The following FBXL17 variants were observed in gnomAD, a reference collection of about 807,000 sequenced individuals.
FBXL17 encodes F-box and leucine rich repeat protein 17, also known as F-box/LRR-repeat protein 17.
FBXL17 carries 22 observed loss-of-function variants against 66.2 expected under a neutral mutation model. The ratio of observed to expected loss-of-function variants is 0.33; its 90% CI spans 0.24 to 0.47. The LOEUF is 0.47. Ranked by LOEUF, FBXL17 falls within the 20% of genes least tolerant of loss-of-function variation. The probability of loss-of-function intolerance (pLI) is 1.00; values close to 1 mark genes in which losing one functional copy is unlikely to be tolerated. For missense variants in FBXL17, 878 were observed against 948.2 expected, an observed-to-expected ratio of 0.93 and a Z score of 0.97; for synonymous variants, 474 against 400.5, an observed-to-expected ratio of 1.18 and a Z score of -2.19.
At chr5:108,161,433 C>G (rs138668347) in intron 6 of FBXL17, among the ~76,000 whole-genome samples, 1,723 of 152,260 alleles carry the variant, frequency 0.011, 47 homozygotes, top group African/African-American at 0.039. Context: ...TTGCAGCGAG[C>G]TGAGATCGTG....
chr5:108,077,098 A>G (rs1748582372), intron 6 of FBXL17, among the ~76,000 whole-genome samples: 1 of 152,218 alleles, frequency 6.6e-6, no homozygotes, highest in African/African-American at 2.4e-5. Flanking sequence ...CACCCAATTC[A>G]TACAGGTATT....
In FBXL17 at chr5:108,094,408, T is replaced by A. The variant is rs187635288; in HGVS notation, c.1746-73407A>T. Reference sequence around the variant, plus strand: ...GGTGAACAGGTTTCCTTCATACAAATGCCAGCAGGACAAGTGTTGAACACC... The same window carrying A: ...GGTGAACAGGTTTCCTTCATACAAAAGCCAGCAGGACAAGTGTTGAACACC... On this transcript the variant is annotated intron_variant, in intron 6 of 8. Coordinates refer to ENST00000542267, the MANE Select transcript of FBXL17 (RefSeq NM_001163315.3). 6.3e-4 allele frequency among the ~76,000 whole-genome samples: 96 copies of A among 152,266 alleles called. 1 individual carries two copies. The East Asian group carries it at 0.011, about 18-fold the overall frequency.
chr5:108,086,560 C>T (rs981537782), intron 6 of FBXL17, among the ~76,000 whole-genome samples: 1 of 151,854 alleles, frequency 6.6e-6, no homozygotes, highest in Non-Finnish European at 1.5e-5. Flanking sequence ...CTGTGACTGT[C>T]TTTGTTTTTG....
rs541635736 is a variant in FBXL17, at chr5:107,870,549, T to C, written c.1966-8689A>G. 1.4e-4 allele frequency among the ~76,000 whole-genome samples: 22 copies of C among 151,810 alleles called. No individual in the cohort carries two copies. In the East Asian group the frequency reaches 4.3e-3, roughly 29 times the overall value. On this transcript the variant is annotated intron_variant, in intron 8 of 8. Transcript: ENST00000542267. Reference sequence around the variant, plus strand: ...TAGTGCTTCCTCAGTGGAAAACCCATGATATGGAAGGAGAGGGTACTCACG... The same window carrying C: ...TAGTGCTTCCTCAGTGGAAAACCCACGATATGGAAGGAGAGGGTACTCACG...
At chr5:107,893,312 C>T (rs1223686751) in intron 7 of FBXL17, among the ~76,000 whole-genome samples, 1 of 152,142 alleles carries the variant, frequency 6.6e-6, no homozygotes, top group Non-Finnish European at 1.5e-5. Context: ...AAGCACACTG[C>T]TCACATGTGC....
chr5:108,078,999 G>A (rs898794459), intron 6 of FBXL17, among the ~76,000 whole-genome samples: 2 of 151,950 alleles, frequency 1.3e-5, no homozygotes, highest in African/African-American at 4.8e-5. Context: ...TAATCTTCCA[G>A]CCTTGAACGA....
chr5:107,906,167 A>G (rs574128136), intron 7 of FBXL17, among the ~76,000 whole-genome samples: 1 of 152,190 alleles, frequency 6.6e-6, no homozygotes, highest in South Asian at 2.1e-4. Flanking sequence ...CCAAGTAGTC[A>G]GAATAATTTC....
chr5:108,338,907 G>T (rs540975116), intron 4 of FBXL17, among the ~76,000 whole-genome samples: 1 of 152,110 alleles, frequency 6.6e-6, no homozygotes, highest in Non-Finnish European at 1.5e-5. Flanking sequence ...AGCACTAATA[G>T]GAACAGTACT....
chr5:108,337,672 AAAG>A (rs1390899956), intron 4 of FBXL17, among the ~76,000 whole-genome samples: 2 of 151,088 alleles, frequency 1.3e-5, no homozygotes, highest in Non-Finnish European at 2.9e-5. Flanking sequence ...ATTCTGGAAG[AAAG>A]AAGAAGAGTG....
At chr5:108,197,860 T>C (rs1054167396) in intron 5 of FBXL17, among the ~76,000 whole-genome samples, 1 of 152,172 alleles carries the variant, frequency 6.6e-6, no homozygotes, top group African/African-American at 2.4e-5. Flanking sequence ...CACCTTCACA[T>C]GGAAAATCTC....
At chr5:108,085,677 G>C (rs1748942368) in intron 6 of FBXL17, among the ~76,000 whole-genome samples, 1 of 152,162 alleles carries the variant, frequency 6.6e-6, no homozygotes, top group African/African-American at 2.4e-5. Flanking sequence ...GCTCATGCCT[G>C]TAATCCAAGC....
chr5:108,240,098 A>C (rs1755787189), intron 4 of FBXL17, among the ~76,000 whole-genome samples: 2 of 152,100 alleles, frequency 1.3e-5, no homozygotes, highest in Non-Finnish European at 2.9e-5. Context: ...AGTGAGACTT[A>C]AGTGCTGGCT....
chr5:108,256,812 A>G (rs1053090036), intron 4 of FBXL17, among the ~76,000 whole-genome samples: 3 of 151,880 alleles, frequency 2.0e-5, no homozygotes, highest in Non-Finnish European at 4.4e-5. Context: ...CCTTCCCTGC[A>G]CAAGTTTTTG....
intron 6 of FBXL17, among the ~76,000 whole-genome samples, chr5:108,034,530 CT>C (rs756263947): frequency 5.9e-5 from 9 of 151,488 alleles, no homozygotes; most frequent in African/African-American, 2.2e-4. Context: ...AAAGGAATTT[CT>C]TTTTTTTTAC....
chr5:108,057,650 T>C (rs1033712021), intron 6 of FBXL17, among the ~76,000 whole-genome samples: 1 of 152,194 alleles, frequency 6.6e-6, no homozygotes. Context: ...TGTATACAAA[T>C]GTTTAAAAGT....
chr5:108,311,001 T>C (rs1759090298), intron 4 of FBXL17, among the ~76,000 whole-genome samples: 1 of 152,136 alleles, frequency 6.6e-6, no homozygotes, highest in Admixed American at 6.6e-5. Flanking sequence ...TTCTTGCTTC[T>C]AATAGACAAC....
At chr5:108,160,250 T>C (rs1188160930) in intron 6 of FBXL17, among the ~76,000 whole-genome samples, 1 of 152,216 alleles carries the variant, frequency 6.6e-6, no homozygotes, top group Non-Finnish European at 1.5e-5. Context: ...AGGGTAAGTG[T>C]ACTATAATAC....
rs143940155 is a variant in FBXL17, at chr5:107,934,211, A to T, written c.1823-53032T>A. ...TTTCATTGTGCATAATAATAATCTA[A>T]AAGTAAAGTTTGACCAAAATTCTAT... On this transcript the variant is annotated intron_variant, in intron 7 of 8. Coordinates refer to ENST00000542267, the MANE Select transcript of FBXL17 (RefSeq NM_001163315.3). Among the ~76,000 whole-genome samples, 550 of 152,270 alleles carry T rather than the reference A, an allele frequency of 3.6e-3. 5 individuals are homozygous for T. The highest frequency in any genetic ancestry group is 0.012 in the African/African-American group (506 of 41,568).
Position 108,381,249 on chromosome 5 carries a change from G to A in FBXL17, c.443C>T (p.Ala148Val), listed in dbSNP as rs1316473291. The A allele has an allele frequency of 4.9e-6, 7 of 1,441,806 alleles. No individual in the cohort carries two copies. Among genetic ancestry groups the A allele is most frequent in the East Asian group, 3.0e-5 (1 of 32,846 alleles). The allele number at this position is 1,441,806 out of a possible 1,614,324, so 89.3% of individuals were successfully genotyped here. A position where few individuals can be genotyped will look rare whatever the true frequency, so the allele number is the denominator to read the frequency against. ...GCCCTGCTGCTCCCAGGCGGCGGCC[G>A]CAGCCAGCCCCAACTCTTTGCAGCA... The part of the protein sequence containing the change: ...ASCCKELGLA[A>V]AAAWEQQGRS... The change falls in exon 1 of 9, where the codon GCG becomes GTG. Residue 148 changes from alanine to valine, a missense_variant. This residue lies in a region of FBXL17 where 605 missense variants were observed against 509.5 expected (regional missense o/e 1.19). Transcript: ENST00000542267.
Sources: allele counts gnomAD v4.1 joint callset (sites outside exome capture counted in the v4.1 genomes callset), GRCh38; gene constraint gnomAD v4.1.1; regional missense constraint gnomAD v4.1.1; transcripts MANE v1.5; gene names NCBI Gene and HGNC (gene_info 2026-07-23, HGNC 2026-07-21).